CPNE3: variants seen among roughly 807,000 people sequenced by gnomAD.
CPNE3 encodes the protein copine 3.
Under a neutral mutation model 63.9 loss-of-function variants are expected in CPNE3, and 68 were observed. The observed-to-expected ratio is 1.06, with a 90% CI of 0.87 to 1.30. The LOEUF is 1.30. Ranked by LOEUF, CPNE3 falls within the 50% of genes most tolerant of loss-of-function variation. The pLI is 0.00. For synonymous variants in CPNE3, 219 were observed against 197.5 expected, an observed-to-expected ratio of 1.11 and a Z score of -0.91; for missense variants, 665 against 578.1, an observed-to-expected ratio of 1.15 and a Z score of -1.54.
intron 7 of CPNE3, 116 bp downstream of exon 7, chr8:86,537,762 C>G (rs1820833735): frequency 1.5e-6 from 1 of 665,780 alleles, no homozygotes; most frequent in Non-Finnish European, 2.7e-6. Context: ...TTACATATAG[C>G]CAGAGACACA....
intron 16 of CPNE3, among the ~76,000 whole-genome samples, chr8:86,557,425 C>T (rs6981170): frequency 0.16 from 24,489 of 152,168 alleles, 2,479 homozygotes; most frequent in African/African-American, 0.3. Flanking sequence ...CGTGTGCCAC[C>T]GCACCCAGCC....
intron 6 of CPNE3, among the ~76,000 whole-genome samples, chr8:86,533,840 G>A (rs1820739364): frequency 6.6e-6 from 1 of 151,942 alleles, no homozygotes; most frequent in Admixed American, 6.6e-5. Context: ...TTTTAAATCT[G>A]TAAATTTCTT....
chr8:86,540,140 G>A (rs1343007207), intron 7 of CPNE3, 105 bp from the exon 8 acceptor site: 9 of 710,810 alleles, frequency 1.3e-5, no homozygotes, highest in South Asian at 4.5e-5. Flanking sequence ...ATGAAGAGGT[G>A]GAGGACGAAT....
At chr8:86,526,920 G>T (rs1820554516) in intron 2 of CPNE3, among the ~76,000 whole-genome samples, 1 of 152,154 alleles carries the variant, frequency 6.6e-6, no homozygotes, top group Admixed American at 6.5e-5. Flanking sequence ...TTTGACATAT[G>T]TTGAGGACTG....
intron 7 of CPNE3, among the ~76,000 whole-genome samples, chr8:86,538,882 T>G (rs1369000490): frequency 2.0e-5 from 3 of 152,196 alleles, no homozygotes; most frequent in African/African-American, 7.2e-5. Flanking sequence ...ATTTTTCCCC[T>G]TTTTAATTAA....
chr8:86,531,837 G>C (rs1820690340), intron 5 of CPNE3, among the ~76,000 whole-genome samples: 2 of 152,120 alleles, frequency 1.3e-5, no homozygotes, highest in Non-Finnish European at 2.9e-5. Flanking sequence ...ACAGATAACT[G>C]CTGCCTGGAG....
intron 2 of CPNE3, among the ~76,000 whole-genome samples, chr8:86,524,457 G>T (rs983688646): frequency 1.3e-5 from 2 of 152,110 alleles, no homozygotes; most frequent in African/African-American, 4.8e-5. Context: ...TTCAGAAGAC[G>T]TGTTTGGATC....
At chr8:86,535,691 A>G (rs1319841049) in intron 6 of CPNE3, among the ~76,000 whole-genome samples, 1 of 152,140 alleles carries the variant, frequency 6.6e-6, no homozygotes, top group African/African-American at 2.4e-5. Context: ...ATATAGAATT[A>G]CAGGCACTTA....
At chr8:86,540,644 T>C (rs1057176018) in intron 8 of CPNE3, among the ~76,000 whole-genome samples, 10 of 152,190 alleles carry the variant, frequency 6.6e-5, no homozygotes, top group African/African-American at 2.2e-4. Context: ...ATTCCTCTGC[T>C]CTGCTAATAG....
At chr8:86,548,270 C>T in intron 11 of CPNE3, 31 bp from the exon 12 acceptor site, 3 of 1,611,400 alleles carry the variant, frequency 1.9e-6, no homozygotes, top group Non-Finnish European at 2.5e-6. Context: ...CTGCCTTCTC[C>T]TTACTAAGGG....
At chr8:86,539,210 C>T (rs1022249212) in intron 7 of CPNE3, among the ~76,000 whole-genome samples, 7 of 152,138 alleles carry the variant, frequency 4.6e-5, no homozygotes, top group East Asian at 3.9e-4. Flanking sequence ...AGAGAGAGCT[C>T]GTAGTCTCTA....
intron 8 of CPNE3, among the ~76,000 whole-genome samples, chr8:86,542,025 T>C (rs1820952663): frequency 6.6e-6 from 1 of 152,172 alleles, no homozygotes. Context: ...AACAATATCT[T>C]TTAAACTTTT....
At chr8:86,518,674 T>C (rs768588977) in intron 2 of CPNE3, among the ~76,000 whole-genome samples, 8 of 152,246 alleles carry the variant, frequency 5.3e-5, no homozygotes, top group South Asian at 4.1e-4. Flanking sequence ...GCAACACTGA[T>C]GTTAGTAAGT....
Position 86,554,992 on chromosome 8 carries a change from C to T in CPNE3, c.1254+8C>T, listed in dbSNP as rs1163986468. Reference sequence around the variant, plus strand: ...CAACAGCAGACAGCTTCTGTAAGTGCTCTATGGCCAGGGAATGGGAAGAAT... The same window carrying T: ...CAACAGCAGACAGCTTCTGTAAGTGTTCTATGGCCAGGGAATGGGAAGAAT... On this transcript the variant is annotated splice_region_variant and intron_variant, in intron 15 of 16. Transcript: ENST00000517490. 3.1e-6 allele frequency: 5 copies of T among 1,613,928 alleles called. No homozygotes were observed. Among genetic ancestry groups the T allele is most frequent in the Middle Eastern group, 1.6e-4 (1 of 6,062 alleles).
chr8:86,522,108 A>G (rs777700344), intron 2 of CPNE3, among the ~76,000 whole-genome samples: 1 of 152,176 alleles, frequency 6.6e-6, no homozygotes, highest in Non-Finnish European at 1.5e-5. Context: ...GTCAGTAGCA[A>G]TAATACTGCA....
At chr8:86,516,464 T>C (rs1820313528) in intron 2 of CPNE3, among the ~76,000 whole-genome samples, 1 of 152,254 alleles carries the variant, frequency 6.6e-6, no homozygotes, top group Non-Finnish European at 1.5e-5. Flanking sequence ...TATGATGGTA[T>C]CACTGCTGCC....
chr8:86,514,910 C>T (rs1033858038), intron 1 of CPNE3, among the ~76,000 whole-genome samples: 1 of 152,168 alleles, frequency 6.6e-6, no homozygotes. Flanking sequence ...GAGGGTCGGG[C>T]TTGTGGCCCA....
intron 2 of CPNE3, among the ~76,000 whole-genome samples, chr8:86,519,863 G>A (rs534847629): frequency 7.2e-5 from 11 of 152,196 alleles, no homozygotes; most frequent in African/African-American, 1.9e-4. Flanking sequence ...ACAGGTGGGC[G>A]CCATCATGCC....
chr8:86,516,890 G>A (rs979491375), intron 2 of CPNE3, among the ~76,000 whole-genome samples: 1 of 152,302 alleles, frequency 6.6e-6, no homozygotes, highest in South Asian at 2.1e-4. Flanking sequence ...TGTGAAAAAT[G>A]ATTATATGTC....
Sources: gnomAD v4.1 joint callset for allele counts (sites outside exome capture counted in the v4.1 genomes callset) on GRCh38, gnomAD v4.1.1 for gene constraint, MANE v1.5 for transcripts, NCBI Gene and HGNC (gene_info 2026-07-23, HGNC 2026-07-21) for gene names.